Variants in HLA-DOA observed in about 807,000 individuals in gnomAD.
The protein encoded by HLA-DOA is major histocompatibility complex, class II, DO alpha, also known as HLA class II histocompatibility antigen, DO alpha chain.
Under a neutral mutation model 22.9 loss-of-function variants are expected in HLA-DOA, and 27 were observed. The ratio of observed to expected loss-of-function variants is 1.18; its 90% CI spans 0.87 to 1.62. HLA-DOA has a LOEUF of 1.62. HLA-DOA is among the 40% of genes most tolerant of loss of function. The pLI, the probability that HLA-DOA is intolerant of heterozygous loss-of-function variation, is 0.00. For missense variants in HLA-DOA, 324 were observed against 332.4 expected (o/e 0.97, Z 0.20); for synonymous variants, 137 against 138.6 (o/e 0.99, Z 0.08).
rs771579299 is a variant in HLA-DOA, at chr6:33,009,441, G to T, written c.82+14C>A. 2.9e-5 allele frequency: 45 copies of T among 1,568,322 alleles called. No homozygotes were observed. The highest frequency in any genetic ancestry group is 3.8e-5 in the Non-Finnish European group (44 of 1,158,028). On this transcript the variant is annotated intron_variant, in intron 1 of 4. Coordinates refer to ENST00000229829, the MANE Select transcript of HLA-DOA (RefSeq NM_002119.4). The surrounding 1 kb of genome is among the most constrained non-coding windows in gnomAD (Gnocchi z 4.8). ...CTCTGCTCCCCGCCGCACCCTCCTCGCCCTCGCACTCACCCTTGGTGGCCC... is the reference window on the plus strand; with the variant it reads ...CTCTGCTCCCCGCCGCACCCTCCTCTCCCTCGCACTCACCCTTGGTGGCCC...
rs1780782463 is a variant in HLA-DOA at position 33,005,692 on chromosome 6, C to T, written c.*1146G>A. The T allele has an allele frequency of 6.6e-6, 1 of 152,212 alleles. No individual in the cohort carries two copies. Among genetic ancestry groups the T allele is most frequent in the South Asian group, 2.1e-4 (1 of 4,824 alleles). The allele number at this position is 152,212 out of a possible 1,614,324, so 9.4% of individuals were successfully genotyped here. A position where few individuals can be genotyped will look rare whatever the true frequency, so the allele number is the denominator to read the frequency against. On this transcript the variant is annotated 3_prime_UTR_variant, in exon 5 of 5. Coordinates refer to ENST00000229829, the MANE Select transcript of HLA-DOA (RefSeq NM_002119.4). ...TCCTGGGCTCAAGCACTCCTCCGGCCTCAGCCTCCCCAGTGGCTGGGAATA... is the reference window on the plus strand; with the variant it reads ...TCCTGGGCTCAAGCACTCCTCCGGCTTCAGCCTCCCCAGTGGCTGGGAATA...
In HLA-DOA at chr6:33,008,248, G is replaced by A. The variant is rs1780914628; in HGVS notation, c.96C>T (p.Gly32=). 1 of 1,612,834 alleles carries A rather than the reference G, an allele frequency of 6.2e-7. No individual in the cohort carries two copies. Among genetic ancestry groups the A allele is most frequent in the Admixed American group, 1.7e-5 (1 of 59,996 alleles). Residue 32 remains glycine, a synonymous_variant, in exon 2 of 5, where the codon GGC becomes GGT. Coordinates refer to ENST00000229829, the MANE Select transcript of HLA-DOA (RefSeq NM_002119.4). ...ACTGGTAGAAGGCGGGTCCGTAGGA[G>A]CCCATGTGGTCAGCTGTGTTTGGCG... The part of the protein sequence containing the change: ...EAGATKADHM[G]SYGPAFYQSY...
Position 33,006,326 on chromosome 6 carries a change from T to A in HLA-DOA, c.*512A>T, listed in dbSNP as rs1022886844. The A allele has an allele frequency of 4.9e-6, 1 of 202,216 alleles. No individual in the cohort carries two copies. Among genetic ancestry groups the A allele is most frequent in the Non-Finnish European group, 1.0e-5 (1 of 97,656 alleles). The allele number at this position is 202,216 out of a possible 1,614,324, so 12.5% of individuals were successfully genotyped here. A position where few individuals can be genotyped will look rare whatever the true frequency, so the allele number is the denominator to read the frequency against. ...GTCCTGTCCCAGCACCCTTCAGAAC[T>A]GTTGTTAGCTGAGGGGGTCGTGAGG... On this transcript the variant is annotated 3_prime_UTR_variant, in exon 5 of 5. Transcript: ENST00000229829.
chr6:33,008,199 T>G lies in HLA-DOA; in HGVS notation c.145A>C (p.Thr49Pro), dbSNP rs1290873028. ...AGCTGTTCCTCATCAAATTCATGGG[T>G]GAACTGGCCCGAGGCGCCGTAAGAC... ...YQSYGASGQF[T>P]HEFDEEQLFS... is the part of the protein sequence containing the mutation. The change falls in exon 2 of 5, where the codon ACC (threonine) becomes CCC (proline). Residue 49 changes from threonine (T) to proline (P), a missense_variant. Coordinates refer to ENST00000229829, the MANE Select transcript of HLA-DOA (RefSeq NM_002119.4). The G allele has an allele frequency of 6.2e-7, 1 of 1,612,936 alleles. No individual in the cohort carries two copies. The highest frequency in any genetic ancestry group is 1.7e-5 in the Admixed American group (1 of 60,016).
chr6:33,008,846 T>C (rs1351410348), intron 1 of HLA-DOA, among the ~76,000 whole-genome samples: 7 of 152,156 alleles, frequency 4.6e-5, no homozygotes, highest in African/African-American at 1.7e-4. Context: ...CTCAGAGCAT[T>C]ATGACTGAGT....
chr6:33,005,085 G>C lies in HLA-DOA; in HGVS notation c.*1753C>G, dbSNP rs949537258. 6.6e-6 allele frequency: 1 copy of C among 152,414 alleles called. No homozygotes were observed. Among genetic ancestry groups the C allele is most frequent in the African/African-American group, 2.4e-5 (1 of 41,432 alleles). 9.4% of individuals were successfully genotyped at this position (152,414 alleles called of 1,614,324 possible). ...CCTTCCTAGTCCACCTCAGACCTTG[G>C]GGATCCCCCTTTCCCATGACCCCCG... On this transcript the variant is annotated 3_prime_UTR_variant, in exon 5 of 5. Transcript: ENST00000229829.
At chr6:33,008,665 C>T (rs922539950) in intron 1 of HLA-DOA, among the ~76,000 whole-genome samples, 2 of 152,096 alleles carry the variant, frequency 1.3e-5, no homozygotes, top group Non-Finnish European at 2.9e-5. Flanking sequence ...TGGAGCTTTG[C>T]ACAGAGATGC....
intron 4 of HLA-DOA, 30 bp downstream of exon 4, chr6:33,007,050 C>A: frequency 6.3e-7 from 1 of 1,591,572 alleles, no homozygotes; most frequent in Non-Finnish European, 8.6e-7. Flanking sequence ...CTTTCCTCCC[C>A]CACCCCCCAG....
intron 3 of HLA-DOA, 22 bp downstream of exon 3, chr6:33,007,289 G>T: frequency 3.7e-6 from 6 of 1,613,162 alleles, no homozygotes; most frequent in Non-Finnish European, 5.1e-6. Context: ...CCAGGAGGGT[G>T]CATGGGGAGG....
At chr6:33,006,941 C>A in intron 4 of HLA-DOA, 100 bp from the exon 5 acceptor site, 2 of 1,446,336 alleles carry the variant, frequency 1.4e-6, no homozygotes, top group Non-Finnish European at 1.9e-6. Context: ...CTCTCTCACC[C>A]CACCTCTGCT....
At chr6:33,007,945 C>T in intron 2 of HLA-DOA, 68 bp downstream of exon 2, 10 of 1,548,588 alleles carry the variant, frequency 6.5e-6, no homozygotes, top group Non-Finnish European at 8.7e-6. Context: ...TGATGGGAGC[C>T]TAGGAACTGG....
In HLA-DOA at chr6:33,005,470, G is replaced by A. The variant is rs1303792121; in HGVS notation, c.*1368C>T. On this transcript the variant is annotated 3_prime_UTR_variant, in exon 5 of 5. Coordinates refer to ENST00000229829, the MANE Select transcript of HLA-DOA (RefSeq NM_002119.4). ...TCATGCCATGGCACTCCAGCCTGGT[G>A]ACAGAGTGAGACCCCATCTCAGAAA... is the stretch of plus-strand genomic sequence containing the variant. The A allele has an allele frequency of 1.3e-5, 2 of 152,628 alleles. No homozygotes were observed. The highest frequency in any genetic ancestry group is 4.8e-5 in the African/African-American group (2 of 41,450). 9.5% of individuals were successfully genotyped at this position (152,628 alleles called of 1,614,324 possible).
In HLA-DOA at chr6:33,007,398, A is replaced by G. The variant is rs749621038; in HGVS notation, c.526T>C (p.Tyr176His). Reference sequence around the variant, plus strand: ...TCGGCTGAGGGCACGAAGGGCAGGTAGTGGAACTTGCGGAACAAATGGTCA... The same window carrying G: ...TCGGCTGAGGGCACGAAGGGCAGGTGGTGGAACTTGCGGAACAAATGGTCA... ...QPDHLFRKFH[Y>H]LPFVPSAEDV... The change falls in exon 3 of 5, where the codon TAC becomes CAC. Residue 176 changes from tyrosine (Y) to histidine (H), a missense_variant. Physicochemically the swap from Tyr to His is moderately conservative, Grantham distance 83. Coordinates refer to ENST00000229829, the MANE Select transcript of HLA-DOA (RefSeq NM_002119.4). 24 of 1,605,364 alleles carry G rather than the reference A, an allele frequency of 1.5e-5. No individual in the cohort carries two copies. Among genetic ancestry groups the G allele is most frequent in the Non-Finnish European group, 2.0e-5 (23 of 1,175,370 alleles).
chr6:33,007,339 G>T lies in HLA-DOA; in HGVS notation c.585C>A (p.Gly195=), dbSNP rs1220442679. The change falls in exon 3 of 5, where the codon GGC becomes GGA. Residue 195 remains glycine (G), a synonymous_variant. Coordinates refer to ENST00000229829, the MANE Select transcript of HLA-DOA (RefSeq NM_002119.4). ...AATGCCTGAGGAGTGGCGCATCCAGGCCCCAGTGCTCCACCTGGCAGTCAT... is the reference window on the plus strand; with the variant it reads ...AATGCCTGAGGAGTGGCGCATCCAGTCCCCAGTGCTCCACCTGGCAGTCAT... ...DVYDCQVEHW[G]LDAPLLRHWE... is the part of the protein sequence containing the mutation. The T allele has an allele frequency of 6.2e-7, 1 of 1,611,796 alleles. No homozygotes were observed. The highest frequency in any genetic ancestry group is 8.5e-7 in the Non-Finnish European group (1 of 1,179,128).
At position 33,006,761 on chromosome 6, in the gene HLA-DOA, T is replaced by A; in HGVS notation, c.*77A>T. On this transcript the variant is annotated 3_prime_UTR_variant, in exon 5 of 5. Transcript: ENST00000229829. Reference sequence around the variant, plus strand: ...ACAGCGGGATGCACTTAAAGGGCACTGAGCACGCAGGGGCTGTCACAAACC... The same window carrying A: ...ACAGCGGGATGCACTTAAAGGGCACAGAGCACGCAGGGGCTGTCACAAACC... 1 of 1,612,564 alleles carries A rather than the reference T, an allele frequency of 6.2e-7. No homozygotes were observed. Among genetic ancestry groups the A allele is most frequent in the Non-Finnish European group, 8.5e-7 (1 of 1,179,578 alleles).
At chr6:33,008,617 G>A (rs1038626568) in intron 1 of HLA-DOA, among the ~76,000 whole-genome samples, 2 of 152,184 alleles carry the variant, frequency 1.3e-5, no homozygotes, top group African/African-American at 4.8e-5. Flanking sequence ...GGGACTGTGG[G>A]GGTGGGATGA....
rs759725740 is a variant in HLA-DOA at position 33,007,543 on chromosome 6, C to A, written c.381G>T (p.Gln127His). ...CCACGATGCAGATGAGGATGTTGGG[C>A]TGGCCCAGCTCCACCCGAGACTTGG... is the stretch of plus-strand genomic sequence containing the variant. Reference protein sequence around the residue: ...VLPKSRVELGQPNILICIVDN... With the variant: ...VLPKSRVELGHPNILICIVDN... The change falls in exon 3 of 5, where the codon CAG becomes CAT. Residue 127 changes from glutamine to histidine, a missense_variant. Physicochemically the swap from Gln to His is conservative, Grantham distance 24. Coordinates refer to ENST00000229829, the MANE Select transcript of HLA-DOA (RefSeq NM_002119.4). The A allele has an allele frequency of 6.2e-7, 1 of 1,612,934 alleles. No homozygotes were observed. Among genetic ancestry groups the A allele is most frequent in the Non-Finnish European group, 8.5e-7 (1 of 1,179,956 alleles).
Position 33,008,126 on chromosome 6 carries a change from T to C in HLA-DOA, c.218A>G (p.Glu73Gly). 1 of 1,613,030 alleles carries C rather than the reference T, an allele frequency of 6.2e-7. No homozygotes were observed. The highest frequency in any genetic ancestry group is 8.5e-7 in the Non-Finnish European group (1 of 1,180,036). Residue 73 changes from glutamate to glycine, a missense_variant, in exon 2 of 5, where the codon GAG becomes GGG. Transcript: ENST00000229829. ...GTCAAAGCGGGCAAAGTCACCAAAC[T>C]CAGGCAGACGCCACACGGCCTCGCT... ...KKSEAVWRLPEFGDFARFDPQ... is the reference protein window; with the variant it reads ...KKSEAVWRLPGFGDFARFDPQ...
In HLA-DOA at chr6:33,009,028, C is replaced by T. The variant is rs1780949434; in HGVS notation, c.82+427G>A. ...AAAAAAGATGAACCATCTGTAGACCCGCACCCCAGCTCATGTCTCCCGAAG... is the reference window on the plus strand; with the variant it reads ...AAAAAAGATGAACCATCTGTAGACCTGCACCCCAGCTCATGTCTCCCGAAG... On this transcript the variant is annotated intron_variant, in intron 1 of 4. Coordinates refer to ENST00000229829, the MANE Select transcript of HLA-DOA (RefSeq NM_002119.4). This position sits in a 1 kb window ranked among gnomAD's most constrained non-coding sequence, Gnocchi z 4.8. 6.6e-6 allele frequency among the ~76,000 whole-genome samples: 1 copy of T among 152,124 alleles called. No homozygotes were observed. Among genetic ancestry groups the T allele is most frequent in the South Asian group, 2.1e-4 (1 of 4,818 alleles).
Sources: gnomAD v4.1 joint callset for allele counts (sites outside exome capture counted in the v4.1 genomes callset) on GRCh38, gnomAD v4.1.1 for gene constraint, Gnocchi (gnomAD v3.1) non-coding constraint, MANE v1.5 for transcripts, NCBI Gene and HGNC (gene_info 2026-07-23, HGNC 2026-07-21) for gene names.